SRPX2: variants seen among roughly 807,000 people sequenced by gnomAD.
The protein encoded by SRPX2 is sushi repeat-containing protein SRPX2.
SRPX2 carries 26 observed loss-of-function variants against 45.3 expected under a neutral mutation model. The observed-to-expected ratio is 0.57, with a 90% confidence interval of 0.42 to 0.80. SRPX2 has a LOEUF of 0.80. Ranked by LOEUF, SRPX2 falls within the 30% of genes least tolerant of loss-of-function variation. SRPX2 has a pLI of 0.00. For synonymous variants in SRPX2, 125 were observed against 143.7 expected (o/e 0.87, Z 0.93); for missense variants, 355 against 399.8 (o/e 0.89, Z 0.95).
intron 4 of SRPX2, among the ~76,000 whole-genome samples, chrX:100,663,905 T>C (rs779104805): frequency 1.8e-5 from 2 of 111,947 alleles, no homozygotes; most frequent in Non-Finnish European, 3.8e-5. Flanking sequence ...CAAGTTGGCA[T>C]GTAAGTGAGC....
At chrX:100,648,431 G>T (rs908724040) in intron 2 of SRPX2, among the ~76,000 whole-genome samples, 1 of 111,924 alleles carries the variant, frequency 8.9e-6, no homozygotes, top group Non-Finnish European at 1.9e-5. Context: ...TAAAGGAACT[G>T]AGGAATGCTC....
chrX:100,655,565 T>C (rs750992896), intron 3 of SRPX2, among the ~76,000 whole-genome samples: 1 of 111,495 alleles, frequency 9.0e-6, no homozygotes, highest in East Asian at 2.8e-4. Flanking sequence ...ACACTGCAAT[T>C]ACATAGGACA....
chrX:100,658,375 C>T (rs1490343279), intron 3 of SRPX2, among the ~76,000 whole-genome samples: 1 of 111,687 alleles, frequency 9.0e-6, no homozygotes, highest in Non-Finnish European at 1.9e-5. Context: ...TGTCCTTTCC[C>T]CAGTGTATGT....
Position 100,671,130 on chromosome X carries a change from T to G in SRPX2, c.*143T>G. On this transcript the variant is annotated 3_prime_UTR_variant, in exon 11 of 11. Coordinates refer to ENST00000373004, the MANE Select transcript of SRPX2 (RefSeq NM_014467.3). ...GTGAGTTTGACAAATCCTGCGGTGT[T>G]TCCAGGCATCCTTTTAGGACTGTGT... 1 of 649,801 alleles carries G rather than the reference T, an allele frequency of 1.5e-6. No individual in the cohort carries two copies. The allele number at this position is 649,801 out of a possible 1,213,427, so 53.6% of individuals were successfully genotyped here.
At chrX:100,661,226 T>C (rs1355693276) in intron 3 of SRPX2, among the ~76,000 whole-genome samples, 1 of 112,231 alleles carries the variant, frequency 8.9e-6, no homozygotes, top group African/African-American at 3.2e-5. Flanking sequence ...TGATTTTAAC[T>C]TGCATTTCCC....
intron 10 of SRPX2, among the ~76,000 whole-genome samples, chrX:100,670,410 A>G: frequency 9.0e-6 from 1 of 111,713 alleles, no homozygotes; most frequent in African/African-American, 3.3e-5. Flanking sequence ...GAAGGTATTT[A>G]TCAACCTAAG....
intron 10 of SRPX2, 38 bp downstream of exon 10, chrX:100,669,407 G>GGC: frequency 2.6e-6 from 1 of 383,947 alleles, no homozygotes. Context: ...GGGGGAGGGG[G>GGC]GGCTGGGGCG....
At chrX:100,670,073 C>A (rs2096439) in intron 10 of SRPX2, among the ~76,000 whole-genome samples, 92 of 111,587 alleles carry the variant, frequency 8.2e-4, no homozygotes, top group East Asian at 8.2e-3. Context: ...TGCCTGGCCG[C>A]AAAAGGCATC....
At chrX:100,647,803 G>C (rs1028742990) in intron 2 of SRPX2, among the ~76,000 whole-genome samples, 8 of 112,736 alleles carry the variant, frequency 7.1e-5, no homozygotes, top group Non-Finnish European at 1.1e-4. Context: ...GGTTCTCAAA[G>C]GGCTATTTGC....
At chrX:100,656,718 A>G (rs1479145568) in intron 3 of SRPX2, among the ~76,000 whole-genome samples, 1 of 111,937 alleles carries the variant, frequency 8.9e-6, no homozygotes, top group Non-Finnish European at 1.9e-5. Context: ...CCATTAGTCC[A>G]CTGATGGATA....
At chrX:100,670,752 T>C (rs2083221726) in intron 10 of SRPX2, 55 bp from the exon 11 acceptor site, 1 of 1,189,417 alleles carries the variant, frequency 8.4e-7, no homozygotes, top group East Asian at 3.0e-5. Context: ...TAGTAGAGCC[T>C]GTGGGGATGG....
At position 100,664,428 on chromosome X, in the gene SRPX2, A is replaced by G. The variant is rs771106876; in HGVS notation, c.356-346A>G. 7.2e-5 allele frequency among the ~76,000 whole-genome samples: 8 copies of G among 111,271 alleles called. No individual in the cohort carries two copies. In the South Asian group the frequency reaches 3.1e-3, roughly 43 times the overall value. On this transcript the variant is annotated intron_variant, in intron 4 of 10. Transcript: ENST00000373004. ...TTTTTACAGTTGACGAACATAAATT[A>G]ATACATCATTGTCACCTGAATTCCA...
Position 100,670,862 on chromosome X carries a change from G to T in SRPX2, c.1273G>T (p.Gly425Cys). ...CAACATGGTGTTGATTGACAAGCAGGGTATTGACCGAGACCGCTACATGGA... is the reference window on the plus strand; with the variant it reads ...CAACATGGTGTTGATTGACAAGCAGTGTATTGACCGAGACCGCTACATGGA... ...YFNMVLIDKQGIDRDRYMEPV... is the reference protein window; with the variant it reads ...YFNMVLIDKQCIDRDRYMEPV... The change falls in exon 11 of 11, where the codon GGT (glycine) becomes TGT (cysteine). Residue 425 changes from glycine (G) to cysteine (C), a missense_variant. Gly to Cys is a radical substitution (Grantham distance 159, BLOSUM62 -3). Transcript: ENST00000373004. The T allele has an allele frequency of 1.7e-6, 2 of 1,211,402 alleles. No individual in the cohort carries two copies. The highest frequency in any genetic ancestry group is 1.7e-5 in the African/African-American group (1 of 57,633).
rs779499067 is a variant in SRPX2, at chrX:100,645,871, G to A, written c.-130-322G>A. Among the ~76,000 whole-genome samples the A allele has an allele frequency of 8.9e-5, 10 of 112,001 alleles. No homozygotes were observed. The South Asian group carries it at 3.8e-3, about 43-fold the overall frequency. On this transcript the variant is annotated intron_variant, in intron 1 of 10. Coordinates refer to ENST00000373004, the MANE Select transcript of SRPX2 (RefSeq NM_014467.3). ...TAACGCTTTCCCAGATTAGTGGCTA[G>A]GAAATGTTAGTTGAATGAATGAAAC... is the stretch of plus-strand genomic sequence containing the variant.
chrX:100,662,181 C>G lies in SRPX2; in HGVS notation c.169C>G (p.Arg57Gly), dbSNP rs1030160794. 1.2e-5 allele frequency: 15 copies of G among 1,210,557 alleles called. No individual in the cohort carries two copies. The highest frequency in any genetic ancestry group is 1.7e-5 in the Non-Finnish European group (15 of 894,866). Reference sequence around the variant, plus strand: ...CCTTTCTTCTATTGCTACAGTCCCCCGATGGTGTTATACATTAAATATCCA... The same window carrying G: ...CCTTTCTTCTATTGCTACAGTCCCCGGATGGTGTTATACATTAAATATCCA... ...QAPALDYRVP[R>G]WCYTLNIQDG... The change falls in exon 4 of 11, where the codon CGA (arginine) becomes GGA (glycine). Residue 57 changes from arginine to glycine, a missense_variant. Coordinates refer to ENST00000373004, the MANE Select transcript of SRPX2 (RefSeq NM_014467.3).
At position 100,671,406 on chromosome X, in the gene SRPX2, C is replaced by A; in HGVS notation, c.*419C>A. ...AGCAAGTGTAGCTGGATTTTCCTTACAGGATGAGGGGTGGGTAGCAGGGTA... is the reference window on the plus strand; with the variant it reads ...AGCAAGTGTAGCTGGATTTTCCTTAAAGGATGAGGGGTGGGTAGCAGGGTA... On this transcript the variant is annotated 3_prime_UTR_variant, in exon 11 of 11. Transcript: ENST00000373004. The A allele has an allele frequency of 5.7e-6, 1 of 176,565 alleles. No individual in the cohort carries two copies. Among genetic ancestry groups the A allele is most frequent in the African/African-American group, 3.0e-5 (1 of 33,207 alleles). 14.6% of individuals were successfully genotyped at this position (176,565 alleles called of 1,213,427 possible). A position where few individuals can be genotyped will look rare whatever the true frequency, so the allele number is the denominator to read the frequency against.
intron 3 of SRPX2, among the ~76,000 whole-genome samples, chrX:100,654,782 C>T (rs780692547): frequency 9.0e-6 from 1 of 111,289 alleles, no homozygotes; most frequent in African/African-American, 3.3e-5. Context: ...AAAAAGAAGA[C>T]CAGAAAAAAA....
Position 100,665,587 on chromosome X carries a change from T to C in SRPX2, c.711T>C (p.His237=), listed in dbSNP as rs778460409. 8.3e-7 allele frequency: 1 copy of C among 1,211,951 alleles called. No homozygotes were observed. Among genetic ancestry groups the C allele is most frequent in the South Asian group, 1.8e-5 (1 of 56,991 alleles). Residue 237 remains histidine, a synonymous_variant, in exon 7 of 11, where the codon CAT becomes CAC. Coordinates refer to ENST00000373004, the MANE Select transcript of SRPX2 (RefSeq NM_014467.3). ...EPGSHFPEGE[H]VIRYTAYDRA... is the part of the protein sequence containing the mutation. The stretch of plus-strand genomic sequence containing the variant: ...GCTCTCACTTTCCCGAAGGAGAGCA[T>C]GTGATTCGTTACACTGCCTATGACC...
intron 2 of SRPX2, 88 bp from the exon 3 acceptor site, chrX:100,650,697 G>A: frequency 1.1e-6 from 1 of 883,798 alleles, no homozygotes; most frequent in East Asian, 3.1e-5. Context: ...TCCTAAGGAA[G>A]TGACAAAGTT....
Sources: gnomAD v4.1 joint callset for allele counts (sites outside exome capture counted in the v4.1 genomes callset) on GRCh38, gnomAD v4.1.1 for gene constraint, MANE v1.5 for transcripts, NCBI Gene and HGNC (gene_info 2026-07-23, HGNC 2026-07-21) for gene names.